ETFDH: variants seen among roughly 807,000 people sequenced by gnomAD.
The protein encoded by ETFDH is electron transfer flavoprotein dehydrogenase.
ETFDH carries 61 observed loss-of-function variants against 73.2 expected under a neutral mutation model. That is an observed-to-expected ratio of 0.83 (90% CI 0.68 to 1.03). The LOEUF (loss-of-function observed/expected upper bound fraction) is 1.03, where lower values mean the gene tolerates loss of function less well. ETFDH is among the 50% of genes least tolerant of loss of function. The probability of loss-of-function intolerance (pLI) is 0.00; values close to 1 mark genes in which losing one functional copy is unlikely to be tolerated. For synonymous variants in ETFDH, 243 were observed against 253.3 expected (o/e 0.96, Z 0.39); for missense variants, 685 against 745.0 (o/e 0.92, Z 0.94).
intron 5 of ETFDH, among the ~76,000 whole-genome samples, chr4:158,689,195 C>T (rs1185512406): frequency 6.6e-6 from 1 of 151,926 alleles, no homozygotes; most frequent in Non-Finnish European, 1.5e-5. Context: ...TTGTTTTTAC[C>T]CTTACAGTTT....
intron 1 of ETFDH, 94 bp downstream of exon 1, chr4:158,672,584 CTCA>C (rs1290534104): frequency 1.7e-5 from 21 of 1,270,824 alleles, no homozygotes; most frequent in Middle Eastern, 1.8e-4. Flanking sequence ...CGCCCCTTCT[CTCA>C]TCAGCTTTCT....
At chr4:158,692,544 C>T (rs1308770209) in intron 6 of ETFDH, among the ~76,000 whole-genome samples, 1 of 152,002 alleles carries the variant, frequency 6.6e-6, no homozygotes, top group Non-Finnish European at 1.5e-5. Flanking sequence ...TTTAACAAGC[C>T]TCCAGGGATT....
At chr4:158,677,622 C>T (rs1345013138) in intron 1 of ETFDH, among the ~76,000 whole-genome samples, 1 of 152,182 alleles carries the variant, frequency 6.6e-6, no homozygotes, top group African/African-American at 2.4e-5. Context: ...ACATTGATTT[C>T]CTCTAGGGCC....
In ETFDH at chr4:158,674,188, G is replaced by C. The variant is rs114604363; in HGVS notation, c.34+1698G>C. 2.4e-3 allele frequency among the ~76,000 whole-genome samples: 367 copies of C among 152,122 alleles called. 1 individual carries two copies. Among genetic ancestry groups the C allele is most frequent in the Middle Eastern group, 6.8e-3 (2 of 294 alleles). ...TTTAAATATTCGTTATAGTGTATTT[G>C]AACTCTTGAACTGAGTTCTAGAATA... On this transcript the variant is annotated intron_variant, in intron 1 of 12. Coordinates refer to ENST00000511912, the MANE Select transcript of ETFDH (RefSeq NM_004453.4).
In ETFDH at chr4:158,695,402, C is replaced by A. The variant is rs552885393; in HGVS notation, c.685-95C>A. 18 of 916,916 alleles carry A rather than the reference C, an allele frequency of 2.0e-5. No homozygotes were observed. The Admixed American group carries it at 3.6e-4, about 19-fold the overall frequency. 56.8% of individuals were successfully genotyped at this position (916,916 alleles called of 1,614,324 possible). ...ATATTATACATTTGCACTGTCTCTT[C>A]TACATCTGAATCATAGTTCAATTTA... On this transcript the variant is annotated intron_variant, in intron 6 of 12. Transcript: ENST00000511912.
chr4:158,679,972 A>G (rs1189213594), intron 1 of ETFDH: 2 of 151,306 alleles, frequency 1.3e-5, no homozygotes, highest in African/African-American at 2.4e-5. Flanking sequence ...GTAGTCCCAG[A>G]TACTCTGGAG....
intron 5 of ETFDH, among the ~76,000 whole-genome samples, chr4:158,687,785 A>G (rs538422093): frequency 6.6e-6 from 1 of 152,200 alleles, no homozygotes; most frequent in South Asian, 2.1e-4. Flanking sequence ...TCATGCCTGT[A>G]ATCCCAGCAC....
chr4:158,699,144 C>A lies in ETFDH; in HGVS notation c.1116+14C>A. 6.2e-7 allele frequency: 1 copy of A among 1,603,116 alleles called. No individual in the cohort carries two copies. The highest frequency in any genetic ancestry group is 8.5e-7 in the Non-Finnish European group (1 of 1,170,154). ...GGTGGCTTTCAGGTAACTCTTCCAA[C>A]TTTTATTTTCCTTGTTTCTGTATTA... On this transcript the variant is annotated intron_variant, in intron 9 of 12. Transcript: ENST00000511912.
At chr4:158,682,469 G>A in intron 3 of ETFDH, 45 bp downstream of exon 3, 1 of 1,415,548 alleles carries the variant, frequency 7.1e-7, no homozygotes, top group Non-Finnish European at 1.0e-6. Context: ...TTTTGTAATT[G>A]TATTTCAGTA....
intron 6 of ETFDH, among the ~76,000 whole-genome samples, chr4:158,694,863 C>T (rs1016691587): frequency 6.6e-6 from 1 of 152,114 alleles, no homozygotes; most frequent in Non-Finnish European, 1.5e-5. Flanking sequence ...CAATATTGTA[C>T]GTGTATACAG....
At chr4:158,705,419 A>G (rs1177215012) in intron 10 of ETFDH, among the ~76,000 whole-genome samples, 1 of 152,234 alleles carries the variant, frequency 6.6e-6, no homozygotes, top group Non-Finnish European at 1.5e-5. Context: ...ACTGTACTGT[A>G]GTAGACCTCT....
chr4:158,680,080 G>A (rs200716462), intron 1 of ETFDH: 1 of 6,738 alleles, frequency 1.5e-4, no homozygotes, highest in African/African-American at 2.6e-4. Flanking sequence ...GTGAGACTCT[G>A]TCTCAAAAAA....
In ETFDH at chr4:158,706,810, G is replaced by A; in HGVS notation, c.1650G>A (p.Leu550=). Residue 550 remains leucine, a synonymous_variant, in exon 12 of 13, where the codon CTG becomes CTA. Coordinates refer to ENST00000511912, the MANE Select transcript of ETFDH (RefSeq NM_004453.4). Reference sequence around the variant, plus strand: ...ACAGTATACCTGTAAATAGAAATCTGTCGATATATGATGGGCCCGAGCAGC... The same window carrying A: ...ACAGTATACCTGTAAATAGAAATCTATCGATATATGATGGGCCCGAGCAGC... The part of the protein sequence containing the change: ...RDDSIPVNRN[L]SIYDGPEQRF... The A allele has an allele frequency of 6.2e-7, 1 of 1,613,524 alleles. No homozygotes were observed. Among genetic ancestry groups the A allele is most frequent in the African/African-American group, 1.3e-5 (1 of 75,012 alleles).
At chr4:158,704,125 G>A (rs1368943913) in intron 10 of ETFDH, among the ~76,000 whole-genome samples, 1 of 152,144 alleles carries the variant, frequency 6.6e-6, no homozygotes, top group South Asian at 2.1e-4. Flanking sequence ...AAAAGAACCA[G>A]TGGTGTCCCA....
chr4:158,672,526 G>C lies in ETFDH; in HGVS notation c.34+36G>C, dbSNP rs1252480132. On this transcript the variant is annotated intron_variant, in intron 1 of 12. Transcript: ENST00000511912. ...ACGGGCGGTGGGGATAAGTGGAGGA[G>C]TTAGGGCAAAAGGGACAAGGCCGGT... 3.1e-6 allele frequency: 5 copies of C among 1,611,330 alleles called. No homozygotes were observed. The African/African-American group carries it at 6.7e-5, about 22-fold the overall frequency.
At chr4:158,689,595 CAT>C (rs573706904) in intron 5 of ETFDH, among the ~76,000 whole-genome samples, 109 of 32,746 alleles carry the variant, frequency 3.3e-3, no homozygotes, top group African/African-American at 0.01. Flanking sequence ...ATAAAACCTT[CAT>C]ATATATATAT....
chr4:158,697,480 C>A (rs140967333), intron 7 of ETFDH, 79 bp from the exon 8 acceptor site: 4 of 1,196,846 alleles, frequency 3.3e-6, no homozygotes, highest in South Asian at 2.6e-5. Context: ...TTAAACCTGG[C>A]AAGTTTTATG....
chr4:158,678,036 T>G lies in ETFDH; in HGVS notation c.35-2431T>G, dbSNP rs1272163777. 3.3e-5 allele frequency among the ~76,000 whole-genome samples: 5 copies of G among 152,278 alleles called. No individual in the cohort carries two copies. The East Asian group carries it at 7.7e-4, about 23-fold the overall frequency. On this transcript the variant is annotated intron_variant, in intron 1 of 12. Transcript: ENST00000511912. Reference sequence around the variant, plus strand: ...TTAACTTTTTATCTTGAAATAGTTTTAGATTTACAGATAAGTTGCAAAAAT... The same window carrying G: ...TTAACTTTTTATCTTGAAATAGTTTGAGATTTACAGATAAGTTGCAAAAAT...
At chr4:158,700,940 A>C (rs1197956153) in intron 9 of ETFDH, 1 of 152,228 alleles carries the variant, frequency 6.6e-6, no homozygotes, top group Admixed American at 6.5e-5. Context: ...AGAAGAGGCA[A>C]CAATTCGAAA....
Sources: gnomAD v4.1 joint callset for allele counts (sites outside exome capture counted in the v4.1 genomes callset) on GRCh38, gnomAD v4.1.1 for gene constraint, MANE v1.5 for transcripts, NCBI Gene and HGNC (gene_info 2026-07-23, HGNC 2026-07-21) for gene names.